TTC7B: variants seen among roughly 807,000 people sequenced by gnomAD.
TTC7B encodes the protein tetratricopeptide repeat domain 7B.
Under a neutral mutation model 106.8 loss-of-function variants are expected in TTC7B, and 28 were observed. The observed-to-expected ratio is 0.26, with a 90% confidence interval of 0.19 to 0.36. The LOEUF is 0.36. TTC7B is among the 10% of genes least tolerant of loss of function. TTC7B has a pLI of 1.00. For synonymous variants in TTC7B, 405 were observed against 430.6 expected, an observed-to-expected ratio of 0.94 and a Z score of 0.74; for missense variants, 862 against 1,076.4, an observed-to-expected ratio of 0.80 and a Z score of 2.79.
intron 8 of TTC7B, 129 bp from the exon 9 acceptor site, chr14:90,676,789 G>A (rs1886859106): frequency 1.3e-5 from 12 of 925,228 alleles, no homozygotes; most frequent in Non-Finnish European, 4.8e-6. Flanking sequence ...AATGAGCAGA[G>A]GCCTGTCATC....
At chr14:90,597,228 T>C (rs1892240973) in intron 17 of TTC7B, among the ~76,000 whole-genome samples, 1 of 152,130 alleles carries the variant, frequency 6.6e-6, no homozygotes. Flanking sequence ...TAACTAACAA[T>C]AGTGAAATTA....
chr14:90,679,786 A>T (rs1284471209), intron 8 of TTC7B, among the ~76,000 whole-genome samples: 3 of 152,264 alleles, frequency 2.0e-5, no homozygotes, highest in African/African-American at 7.2e-5. Context: ...TGATAGATAC[A>T]CAGGGCAGAA....
intron 13 of TTC7B, among the ~76,000 whole-genome samples, chr14:90,651,997 A>G (rs1157940469): frequency 6.6e-6 from 1 of 152,234 alleles, no homozygotes; most frequent in East Asian, 1.9e-4. Flanking sequence ...GACAGGATCA[A>G]TACCCATGCT....
rs1426779935 is a variant in TTC7B at position 90,528,186 on chromosome 14, T to TC, written c.*13181dup. The stretch of plus-strand genomic sequence containing the variant: ...ACGCTCCCCTGCTGTGAGCCTCCAA[T>TC]CCCCTGGCTGGCTAAACAGCAGCAC... On this transcript the variant is annotated 3_prime_UTR_variant, in exon 20 of 20. Transcript: ENST00000328459. 6.6e-6 allele frequency: 1 copy of TC among 152,062 alleles called. No individual in the cohort carries two copies. Among genetic ancestry groups the TC allele is most frequent in the African/African-American group, 2.4e-5 (1 of 41,402 alleles). 9.4% of individuals were successfully genotyped at this position (152,062 alleles called of 1,614,324 possible). A position where few individuals can be genotyped will look rare whatever the true frequency, so the allele number is the denominator to read the frequency against.
intron 4 of TTC7B, among the ~76,000 whole-genome samples, chr14:90,737,782 C>T (rs1052075789): frequency 2.0e-5 from 3 of 152,120 alleles, no homozygotes; most frequent in Admixed American, 2.0e-4. Context: ...TGGTCTTGAA[C>T]TCCTGACTTT....
intron 19 of TTC7B, among the ~76,000 whole-genome samples, chr14:90,546,091 G>A (rs1171685619): frequency 2.0e-5 from 3 of 152,202 alleles, no homozygotes; most frequent in African/African-American, 7.2e-5. Flanking sequence ...AGTGAGCCAG[G>A]AGCAGCTCAG....
intron 5 of TTC7B, among the ~76,000 whole-genome samples, chr14:90,712,287 G>A (rs1749712): frequency 0.13 from 19,550 of 152,076 alleles, 1,409 homozygotes; most frequent in African/African-American, 0.16. Flanking sequence ...GGAGATTCTC[G>A]ACAATGCAAT....
chr14:90,578,174 C>T lies in TTC7B; in HGVS notation c.2242G>A (p.Glu748Lys), dbSNP rs752322173. ...GCCTCTTCATACCACCGCCGCGCCTCGTCCATGCTTCCCCGGAGCTCAGCA... is the reference window on the plus strand; with the variant it reads ...GCCTCTTCATACCACCGCCGCGCCTTGTCCATGCTTCCCCGGAGCTCAGCA... ...QIAELRGSMDEARRWYEEALA... is the reference protein window; with the variant it reads ...QIAELRGSMDKARRWYEEALA... The change falls in exon 19 of 20, where the codon GAG becomes AAG. Residue 748 changes from glutamate to lysine, a missense_variant. Coordinates refer to ENST00000328459, the MANE Select transcript of TTC7B (RefSeq NM_001010854.2). This position sits in a 1 kb window ranked among gnomAD's most constrained non-coding sequence, Gnocchi z 4.7. 17 of 1,613,744 alleles carry T rather than the reference C, an allele frequency of 1.1e-5. No individual in the cohort carries two copies. Among genetic ancestry groups the T allele is most frequent in the African/African-American group, 5.3e-5 (4 of 74,936 alleles).
At chr14:90,563,716 A>T (rs1017695083) in intron 19 of TTC7B, among the ~76,000 whole-genome samples, 1 of 152,234 alleles carries the variant, frequency 6.6e-6, no homozygotes, top group African/African-American at 2.4e-5. Context: ...GTTGGAGTCC[A>T]TCCTCTCTAA....
intron 2 of TTC7B, among the ~76,000 whole-genome samples, chr14:90,783,431 T>A (rs947448639): frequency 4.6e-5 from 7 of 152,120 alleles, no homozygotes; most frequent in African/African-American, 9.7e-5. Context: ...GAGAAAAAAA[T>A]TCTCTAGGTA....
At chr14:90,781,897 C>A (rs965765636) in intron 2 of TTC7B, among the ~76,000 whole-genome samples, 2 of 152,180 alleles carry the variant, frequency 1.3e-5, no homozygotes, top group African/African-American at 4.8e-5. Context: ...TCCTCCGGCA[C>A]CTAGGGAAAG....
At position 90,748,250 on chromosome 14, in the gene TTC7B, A is replaced by G. The variant is rs184324294; in HGVS notation, c.446-3328T>C. Among the ~76,000 whole-genome samples, 5 of 150,994 alleles carry G rather than the reference A, an allele frequency of 3.3e-5. No individual in the cohort carries two copies. In the East Asian group the frequency reaches 9.7e-4, roughly 29 times the overall value. ...ATCTATTTGAGTATTTTTACATTTT[A>G]TTTTACTTATTGGCTTAGTCACTAA... On this transcript the variant is annotated intron_variant, in intron 3 of 19. Coordinates refer to ENST00000328459, the MANE Select transcript of TTC7B (RefSeq NM_001010854.2).
chr14:90,713,159 G>A (rs529726144), intron 5 of TTC7B, among the ~76,000 whole-genome samples: 2 of 152,086 alleles, frequency 1.3e-5, no homozygotes, highest in South Asian at 2.1e-4. Flanking sequence ...TCTGTCACCC[G>A]GGCTGGAGTA....
At position 90,786,282 on chromosome 14, in the gene TTC7B, G is replaced by A; in HGVS notation, c.168C>T (p.Tyr56=). 3 of 1,613,320 alleles carry A rather than the reference G, an allele frequency of 1.9e-6. No homozygotes were observed. Among genetic ancestry groups the A allele is most frequent in the Non-Finnish European group, 2.5e-6 (3 of 1,179,674 alleles). The change falls in exon 2 of 20, where the codon TAC becomes TAT. Residue 56 remains tyrosine (Y), a synonymous_variant. Coordinates refer to ENST00000328459, the MANE Select transcript of TTC7B (RefSeq NM_001010854.2). ...LLLGESKLEQ[Y]LKEHPLRQGA... is the part of the protein sequence containing the mutation. ...CCTGCCTCAGGGGGTGTTCCTTCAG[G>A]TACTGCTCCAGCTTCGACTCCCCGA...
intron 13 of TTC7B, among the ~76,000 whole-genome samples, chr14:90,649,423 G>A (rs2139889714): frequency 6.6e-6 from 1 of 152,298 alleles, no homozygotes; most frequent in Middle Eastern, 3.4e-3. Flanking sequence ...CCTTTGGTAT[G>A]CCACAGGCAA....
At chr14:90,636,344 T>C (rs1884941019) in intron 15 of TTC7B, among the ~76,000 whole-genome samples, 2 of 143,438 alleles carry the variant, frequency 1.4e-5, no homozygotes, top group Non-Finnish European at 3.0e-5. Context: ...GAATGTACCA[T>C]AATACACAGC....
At chr14:90,617,087 C>T (rs1458243096) in intron 16 of TTC7B, among the ~76,000 whole-genome samples, 1 of 152,142 alleles carries the variant, frequency 6.6e-6, no homozygotes, top group Non-Finnish European at 1.5e-5. Flanking sequence ...GGGGGTTGAC[C>T]AGCAGACCTT....
At chr14:90,609,489 C>T (rs1209890695) in intron 17 of TTC7B, among the ~76,000 whole-genome samples, 1 of 152,338 alleles carries the variant, frequency 6.6e-6, no homozygotes, top group Admixed American at 6.5e-5. Flanking sequence ...GGCCCTATCC[C>T]TTTTAGCCCA....
intron 16 of TTC7B, among the ~76,000 whole-genome samples, chr14:90,612,632 G>A (rs529595861): frequency 1.3e-5 from 2 of 152,318 alleles, no homozygotes; most frequent in African/African-American, 2.4e-5. Context: ...GGGCAAGACA[G>A]CTTTCCCTGT....
Sources: allele counts gnomAD v4.1 joint callset (sites outside exome capture counted in the v4.1 genomes callset), GRCh38; gene constraint gnomAD v4.1.1; non-coding constraint Gnocchi (gnomAD v3.1); transcripts MANE v1.5; gene names NCBI Gene and HGNC (gene_info 2026-07-23, HGNC 2026-07-21).